GRM1: variants seen among roughly 807,000 people sequenced by gnomAD.
The protein encoded by GRM1 is glutamate metabotropic receptor 1.
GRM1 carries 33 observed loss-of-function variants against 90.9 expected under a neutral mutation model. The ratio of observed to expected loss-of-function variants is 0.36; its 90% CI spans 0.28 to 0.49. The LOEUF (loss-of-function observed/expected upper bound fraction) is 0.49. GRM1 is among the 20% of genes least tolerant of loss of function. The pLI, the probability that GRM1 is intolerant of heterozygous loss-of-function variation, is 0.99. For missense variants in GRM1, 1,190 were observed against 1,534.3 expected, an observed-to-expected ratio of 0.78 and a Z score of 3.75; for synonymous variants, 700 against 613.2, an observed-to-expected ratio of 1.14 and a Z score of -2.09.
At chr6:146,290,678 T>C (rs908650474) in intron 2 of GRM1, among the ~76,000 whole-genome samples, 1 of 152,168 alleles carries the variant, frequency 6.6e-6, no homozygotes, top group Non-Finnish European at 1.5e-5. Context: ...TGGTACTCCA[T>C]GCCTGTCCGA....
chr6:146,293,545 T>C (rs1783070454), intron 2 of GRM1, among the ~76,000 whole-genome samples: 1 of 152,048 alleles, frequency 6.6e-6, no homozygotes, highest in Admixed American at 6.6e-5. Flanking sequence ...TCGTGAGTGA[T>C]ATTGGCATAT....
intron 1 of GRM1, among the ~76,000 whole-genome samples, chr6:146,064,633 A>C (rs1485095891): frequency 6.6e-6 from 1 of 151,934 alleles, no homozygotes; most frequent in African/African-American, 2.4e-5. Context: ...AGAAATCAAA[A>C]TAAAAAACAA....
intron 2 of GRM1, among the ~76,000 whole-genome samples, chr6:146,192,461 G>T (rs1778964303): frequency 6.6e-6 from 1 of 152,108 alleles, no homozygotes; most frequent in South Asian, 2.1e-4. Flanking sequence ...TGTCAATTAG[G>T]CTAAGGATTA....
intron 6 of GRM1, among the ~76,000 whole-genome samples, chr6:146,389,983 G>A (rs1776657879): frequency 6.6e-6 from 1 of 151,962 alleles, no homozygotes; most frequent in Non-Finnish European, 1.5e-5. Context: ...TATGAAATGA[G>A]AAAACCTATG....
At chr6:146,299,401 G>C (rs1185478807) in intron 2 of GRM1, among the ~76,000 whole-genome samples, 4 of 145,236 alleles carry the variant, frequency 2.8e-5, no homozygotes, top group African/African-American at 1.1e-4. Flanking sequence ...AAATGTTCTG[G>C]AACTAGTTCT....
chr6:146,400,713 G>A (rs147140796), intron 7 of GRM1, among the ~76,000 whole-genome samples: 94 of 152,196 alleles, frequency 6.2e-4, no homozygotes, highest in African/African-American at 2.1e-3. Context: ...AGTATCCAAA[G>A]ATTAAGTCAT....
At chr6:146,150,560 G>A (rs936714274) in intron 1 of GRM1, among the ~76,000 whole-genome samples, 8 of 152,110 alleles carry the variant, frequency 5.3e-5, no homozygotes. Flanking sequence ...TCTTTGTTAG[G>A]AAGATTCCAA....
At chr6:146,405,677 C>T (rs184308300) in intron 7 of GRM1, among the ~76,000 whole-genome samples, 2 of 151,454 alleles carry the variant, frequency 1.3e-5, no homozygotes, top group Non-Finnish European at 2.9e-5. Context: ...ATAGAGACAG[C>T]GAGACAGCTC....
At chr6:146,152,633 T>C (rs888942821) in intron 1 of GRM1, among the ~76,000 whole-genome samples, 3 of 152,102 alleles carry the variant, frequency 2.0e-5, no homozygotes, top group African/African-American at 7.2e-5. Flanking sequence ...AACTTCTATA[T>C]GGAGTTATTA....
intron 1 of GRM1, 24 bp downstream of exon 1, chr6:146,030,241 A>G: frequency 2.0e-6 from 3 of 1,508,540 alleles, no homozygotes; most frequent in African/African-American, 2.7e-5. Flanking sequence ...TTGGGAAAGA[A>G]GGGTACTGAG....
chr6:146,300,560 A>G (rs1157840145), intron 2 of GRM1, among the ~76,000 whole-genome samples: 1 of 152,242 alleles, frequency 6.6e-6, no homozygotes, highest in Non-Finnish European at 1.5e-5. Context: ...AGTGAGAAAT[A>G]CTTAAGACAT....
At chr6:146,078,910 T>C (rs944054693) in intron 1 of GRM1, among the ~76,000 whole-genome samples, 1 of 152,124 alleles carries the variant, frequency 6.6e-6, no homozygotes, top group African/African-American at 2.4e-5. Flanking sequence ...CCAGGAAAGA[T>C]GAGGCTCGCA....
chr6:146,398,641 T>A (rs1562668067), intron 6 of GRM1, 128 bp from the exon 7 acceptor site: 7 of 779,768 alleles, frequency 9.0e-6, no homozygotes, highest in Non-Finnish European at 2.3e-6. Flanking sequence ...TGTGCATTTT[T>A]AAAAAAGCAT....
At chr6:146,133,684 G>A (rs1197700645) in intron 1 of GRM1, among the ~76,000 whole-genome samples, 1 of 152,280 alleles carries the variant, frequency 6.6e-6, no homozygotes, top group East Asian at 1.9e-4. Context: ...GATGATCAAA[G>A]CACCTGGGAC....
At chr6:146,155,799 T>C (rs1030316816) in intron 1 of GRM1, among the ~76,000 whole-genome samples, 1 of 152,186 alleles carries the variant, frequency 6.6e-6, no homozygotes, top group African/African-American at 2.4e-5. Flanking sequence ...TTCTCCAGTC[T>C]TATGGAGAAG....
At chr6:146,241,681 C>G (rs1366623398) in intron 2 of GRM1, among the ~76,000 whole-genome samples, 4 of 152,068 alleles carry the variant, frequency 2.6e-5, no homozygotes, top group East Asian at 1.9e-4. Flanking sequence ...AGCTTTCAGC[C>G]TTGTTCTGAA....
chr6:146,324,024 A>G (rs887649335), intron 3 of GRM1, among the ~76,000 whole-genome samples: 1 of 152,174 alleles, frequency 6.6e-6, no homozygotes, highest in African/African-American at 2.4e-5. Context: ...ATCAGGTAGC[A>G]TGATGCCTCT....
At chr6:146,179,676 G>A (rs576145284) in intron 2 of GRM1, among the ~76,000 whole-genome samples, 1 of 152,222 alleles carries the variant, frequency 6.6e-6, no homozygotes, top group Admixed American at 6.5e-5. Context: ...ACCATGCCCA[G>A]CTAATTTATT....
intron 3 of GRM1, among the ~76,000 whole-genome samples, chr6:146,314,290 G>A (rs1333682527): frequency 2.0e-5 from 3 of 151,002 alleles, no homozygotes; most frequent in Non-Finnish European, 4.4e-5. Context: ...TGGCTAGGCT[G>A]ATCTCGAACT....
Sources: gnomAD v4.1 joint callset for allele counts (sites outside exome capture counted in the v4.1 genomes callset) on GRCh38, gnomAD v4.1.1 for gene constraint, MANE v1.5 for transcripts, NCBI Gene and HGNC (gene_info 2026-07-23, HGNC 2026-07-21) for gene names.